The following CEP85L variants were observed in gnomAD, a reference collection of about 807,000 sequenced individuals.
CEP85L encodes centrosomal protein 85L.
Under a neutral mutation model 100.3 loss-of-function variants are expected in CEP85L, and 60 were observed. The observed-to-expected ratio is 0.60, with a 90% confidence interval of 0.49 to 0.74. The LOEUF is 0.74. CEP85L is among the 30% of genes least tolerant of loss of function. CEP85L has a pLI of 0.00. For missense variants in CEP85L, 973 were observed against 936.2 expected (o/e 1.04, Z -0.51); for synonymous variants, 319 against 322.7 (o/e 0.99, Z 0.12).
chr6:118,545,318 G>A (rs895919567), intron 3 of CEP85L, among the ~76,000 whole-genome samples: 4 of 152,154 alleles, frequency 2.6e-5, no homozygotes, highest in Admixed American at 6.6e-5. Flanking sequence ...AGCTGGGCGC[G>A]GTGGCTCACG....
At position 118,558,644 on chromosome 6, in the gene CEP85L, CACACACACACACACACAGAGAG is replaced by C. The variant is rs1210543511; in HGVS notation, c.1020+6863_1020+6884del. Among the ~76,000 whole-genome samples the C allele has an allele frequency of 2.8e-5, 4 of 141,982 alleles. No individual in the cohort carries two copies. The East Asian group carries it at 5.9e-4, about 21-fold the overall frequency. 93.1% of individuals were successfully genotyped at this position (141,982 alleles called of 152,430 possible). A position where few individuals can be genotyped will look rare whatever the true frequency, so the allele number is the denominator to read the frequency against. On this transcript the variant is annotated intron_variant, in intron 3 of 12. Coordinates refer to ENST00000368491, the MANE Select transcript of CEP85L (RefSeq NM_001042475.3). ...GTGCACATACACACACACACACACA[CACACACACACACACACAGAGAG>C]AGAGAGAGAGAGAGAGAGAGAGGGA...
chr6:118,508,649 T>C (rs1312559271), intron 5 of CEP85L, among the ~76,000 whole-genome samples: 1 of 152,066 alleles, frequency 6.6e-6, no homozygotes, highest in Non-Finnish European at 1.5e-5. Context: ...AAAATAGAAG[T>C]TACTTATTAA....
chr6:118,567,614 G>A (rs1407105401), intron 2 of CEP85L, among the ~76,000 whole-genome samples: 1 of 152,102 alleles, frequency 6.6e-6, no homozygotes, highest in Admixed American at 6.5e-5. Context: ...ATTGGTGTGT[G>A]GGGAGGAAGT....
At chr6:118,485,630 C>T (rs2213856) in intron 6 of CEP85L, among the ~76,000 whole-genome samples, 70,345 of 152,014 alleles carry the variant, frequency 0.46, 16,775 homozygotes, top group Middle Eastern at 0.57. Context: ...ATACAATTCC[C>T]TTTTTACAGA....
chr6:118,572,274 A>T (rs996768402), intron 2 of CEP85L, among the ~76,000 whole-genome samples: 6 of 18,484 alleles, frequency 3.2e-4, no homozygotes, highest in African/African-American at 1.4e-3. Flanking sequence ...CCATTCTTTA[A>T]AAAAAAAAAA....
intron 1 of CEP85L, among the ~76,000 whole-genome samples, chr6:118,679,468 C>T (rs753023123): frequency 1.7e-4 from 26 of 152,202 alleles, no homozygotes; most frequent in Non-Finnish European, 3.5e-4. Flanking sequence ...ACTGGATTTG[C>T]TATAATTCCT....
At chr6:118,605,193 G>A (rs1772107247) in intron 2 of CEP85L, among the ~76,000 whole-genome samples, 1 of 152,150 alleles carries the variant, frequency 6.6e-6, no homozygotes, top group South Asian at 2.1e-4. Context: ...GCCATTTTAT[G>A]CTGGTTCCTG....
At chr6:118,696,268 AAAAAAG>A (rs575296552) in intron 1 of CEP85L, among the ~76,000 whole-genome samples, 285 of 151,954 alleles carry the variant, frequency 1.9e-3, no homozygotes, top group South Asian at 7.7e-3. Flanking sequence ...CTGTCTCAAA[AAAAAAG>A]AAAAAGAAAA....
intron 1 of CEP85L, among the ~76,000 whole-genome samples, chr6:118,670,474 G>A (rs904836321): frequency 5.3e-5 from 8 of 150,556 alleles, no homozygotes; most frequent in African/African-American, 1.5e-4. Context: ...TTGTGGCCAC[G>A]TGTACTCCAT....
At chr6:118,576,835 T>C (rs765676996) in intron 2 of CEP85L, among the ~76,000 whole-genome samples, 27 of 152,218 alleles carry the variant, frequency 1.8e-4, no homozygotes, top group Non-Finnish European at 3.2e-4. Context: ...ACCATAGCCA[T>C]TGAAACACGG....
chr6:118,690,975 T>A (rs1583263726), intron 1 of CEP85L, among the ~76,000 whole-genome samples: 1 of 144,946 alleles, frequency 6.9e-6, no homozygotes, highest in Non-Finnish European at 1.5e-5. Context: ...CCCACCTGGG[T>A]GACAGAGTGA....
intron 2 of CEP85L, among the ~76,000 whole-genome samples, chr6:118,598,119 G>C (rs2115157898): frequency 6.6e-6 from 1 of 152,288 alleles, no homozygotes; most frequent in East Asian, 1.9e-4. Context: ...GAAAATCTCA[G>C]AGCATCTGTT....
At chr6:118,570,325 A>G (rs1433837902) in intron 2 of CEP85L, among the ~76,000 whole-genome samples, 4 of 152,200 alleles carry the variant, frequency 2.6e-5, no homozygotes, top group Non-Finnish European at 5.9e-5. Flanking sequence ...AAATACTTCT[A>G]AAGTATGAAT....
chr6:118,569,014 T>C (rs1326134547), intron 2 of CEP85L, among the ~76,000 whole-genome samples: 2 of 152,088 alleles, frequency 1.3e-5, no homozygotes, highest in Non-Finnish European at 2.9e-5. Flanking sequence ...AAAGGTTAAG[T>C]ATAACAGTTT....
chr6:118,568,317 T>G (rs1779670579), intron 2 of CEP85L, among the ~76,000 whole-genome samples: 1 of 152,230 alleles, frequency 6.6e-6, no homozygotes, highest in African/African-American at 2.4e-5. Context: ...TCTCCAGCCT[T>G]CCTAAAAATT....
At chr6:118,647,268 T>C (rs1775263759) in intron 1 of CEP85L, among the ~76,000 whole-genome samples, 1 of 152,254 alleles carries the variant, frequency 6.6e-6, no homozygotes, top group African/African-American at 2.4e-5. Context: ...TGACATTTTT[T>C]CAGCTCAAGT....
chr6:118,598,607 G>A (rs1195003438), intron 2 of CEP85L, among the ~76,000 whole-genome samples: 1 of 152,078 alleles, frequency 6.6e-6, no homozygotes, highest in Non-Finnish European at 1.5e-5. Context: ...AATATACTAA[G>A]GACTGCCAGT....
intron 2 of CEP85L, among the ~76,000 whole-genome samples, chr6:118,606,526 T>C (rs1435970972): frequency 2.0e-5 from 3 of 152,204 alleles, no homozygotes; most frequent in Non-Finnish European, 4.4e-5. Context: ...CTTTTAACTA[T>C]TTAATATGAT....
chr6:118,638,505 G>T (rs1774659866), intron 1 of CEP85L, among the ~76,000 whole-genome samples: 2 of 150,228 alleles, frequency 1.3e-5, no homozygotes. Context: ...ATTTAATAAG[G>T]AAAATTTTCT....
Sources: allele counts gnomAD v4.1 joint callset (sites outside exome capture counted in the v4.1 genomes callset), GRCh38; gene constraint gnomAD v4.1.1; transcripts MANE v1.5; gene names NCBI Gene and HGNC (gene_info 2026-07-23, HGNC 2026-07-21).